The following TTC19 variants were observed in gnomAD, a reference collection of about 807,000 sequenced individuals.
The protein encoded by TTC19 is tetratricopeptide repeat protein 19, mitochondrial.
TTC19 carries 38 observed loss-of-function variants against 49.5 expected under a neutral mutation model. The ratio of observed to expected loss-of-function variants is 0.77; its 90% CI spans 0.59 to 1.01. The LOEUF (loss-of-function observed/expected upper bound fraction) is 1.01. Ranked by LOEUF, TTC19 falls within the 50% of genes least tolerant of loss-of-function variation. TTC19 has a pLI of 0.00. For synonymous variants in TTC19, 204 were observed against 185.2 expected (o/e 1.10, Z -0.83); for missense variants, 475 against 477.7 (o/e 0.99, Z 0.05).
chr17:16,000,276 G>T, intron 2 of TTC19, 31 bp downstream of exon 2: 2 of 1,592,358 alleles, frequency 1.3e-6, no homozygotes, highest in Admixed American at 1.7e-5. Context: ...GCGCCCGGCC[G>T]AGCGCGGTAG....
At chr17:16,026,484 A>G (rs1971565088) in intron 8 of TTC19, 56 bp from the exon 9 acceptor site, 5 of 1,552,650 alleles carry the variant, frequency 3.2e-6, no homozygotes, top group Admixed American at 1.7e-5. Context: ...ACTCCACATT[A>G]AAGTTCTGTG....
Position 16,028,930 on chromosome 17 carries a change from A to C in TTC19, c.*1408A>C, listed in dbSNP as rs1454269240. The C allele has an allele frequency of 4.7e-6, 2 of 426,788 alleles. No homozygotes were observed. Among genetic ancestry groups the C allele is most frequent in the Non-Finnish European group, 9.1e-6 (2 of 219,258 alleles). 26.4% of individuals were successfully genotyped at this position (426,788 alleles called of 1,614,324 possible). A position where few individuals can be genotyped will look rare whatever the true frequency, so the allele number is the denominator to read the frequency against. ...CTAAAACTAGAGTTTTGTATGTTGC[A>C]GATGTAAATTTCTTCCTATTTTCTG... is the stretch of plus-strand genomic sequence containing the variant. On this transcript the variant is annotated 3_prime_UTR_variant, in exon 10 of 10. Transcript: ENST00000261647.
chr17:16,007,903 A>G (rs1296780044), intron 7 of TTC19, among the ~76,000 whole-genome samples: 1 of 152,194 alleles, frequency 6.6e-6, no homozygotes, highest in Non-Finnish European at 1.5e-5. Flanking sequence ...TTTTGTTTTC[A>G]TCACTCCACT....
At chr17:16,004,348 C>T in intron 6 of TTC19, 86 bp downstream of exon 6, 2 of 1,283,446 alleles carry the variant, frequency 1.6e-6, no homozygotes, top group East Asian at 4.6e-5. Flanking sequence ...TACTGGTCAT[C>T]TGGGTCTCCC....
In TTC19 at chr17:16,026,556, G is replaced by A. The variant is rs766782529; in HGVS notation, c.848G>A (p.Ser283Asn). The A allele has an allele frequency of 7.4e-6, 12 of 1,614,032 alleles. No homozygotes were observed. In the African/African-American group the frequency reaches 1.2e-4, roughly 16 times the overall value. Reference protein sequence around the residue: ...ERHPQTIVLMSDLATTLDAQG... With the variant: ...ERHPQTIVLMNDLATTLDAQG... ...TACATACAGACCATTGTGCTGATGA[G>A]TGACCTGGCTACTACCCTGGATGCA... is the stretch of plus-strand genomic sequence containing the variant. Residue 283 changes from serine to asparagine, a missense_variant, in exon 9 of 10, where the codon AGT becomes AAT. Ser to Asn is a conservative substitution (Grantham distance 46, BLOSUM62 1). Coordinates refer to ENST00000261647, the MANE Select transcript of TTC19 (RefSeq NM_017775.4).
intron 8 of TTC19, among the ~76,000 whole-genome samples, chr17:16,026,153 A>T (rs1175637072): frequency 1.3e-5 from 2 of 151,948 alleles, no homozygotes; most frequent in African/African-American, 2.4e-5. Flanking sequence ...GAACAACATA[A>T]TACAGTGGGG....
At position 16,006,367 on chromosome 17, in the gene TTC19, G is replaced by A. The variant is rs538769139; in HGVS notation, c.582-107G>A. The A allele has an allele frequency of 2.8e-4, 228 of 821,580 alleles. 1 individual carries two copies. In the Middle Eastern group the frequency reaches 4.9e-3, roughly 18 times the overall value. The allele number at this position is 821,580 out of a possible 1,614,324, so 50.9% of individuals were successfully genotyped here. A position where few individuals can be genotyped will look rare whatever the true frequency, so the allele number is the denominator to read the frequency against. On this transcript the variant is annotated intron_variant, in intron 6 of 9. Coordinates refer to ENST00000261647, the MANE Select transcript of TTC19 (RefSeq NM_017775.4). ...GGAGGTTGCTCTGAGCCGAGGTCAC[G>A]CCATTGCACTCCAGCCTGGGCAACA...
chr17:16,002,563 AATG>A, intron 3 of TTC19: 2 of 564,200 alleles, frequency 3.5e-6, no homozygotes, highest in Non-Finnish European at 6.3e-6. Flanking sequence ...ATGTTTTTTT[AATG>A]ATGAGTGGAC....
At chr17:16,012,258 G>C (rs995352562) in intron 7 of TTC19, among the ~76,000 whole-genome samples, 3 of 152,148 alleles carry the variant, frequency 2.0e-5, no homozygotes, top group African/African-American at 7.2e-5. Flanking sequence ...GGAGGCCAAG[G>C]CGGGTGGATC....
chr17:16,017,886 C>T (rs764870509), intron 7 of TTC19, among the ~76,000 whole-genome samples: 1 of 152,156 alleles, frequency 6.6e-6, no homozygotes, highest in Admixed American at 6.5e-5. Flanking sequence ...ACTTTTCCCT[C>T]TCTGATCTGT....
intron 3 of TTC19, 63 bp downstream of exon 3, chr17:16,002,088 A>C (rs911512586): frequency 9.3e-7 from 1 of 1,076,192 alleles, no homozygotes; most frequent in African/African-American, 1.5e-5. Flanking sequence ...AAGGGTAGTT[A>C]GTTCTTCTGA....
chr17:16,020,386 A>G (rs769517251), intron 7 of TTC19, among the ~76,000 whole-genome samples: 1 of 152,140 alleles, frequency 6.6e-6, no homozygotes, highest in Non-Finnish European at 1.5e-5. Context: ...GATTCGTAAG[A>G]GTTCCTTACG....
At chr17:16,024,818 T>G in intron 7 of TTC19, 199 bp from the exon 8 acceptor site, 1 of 590,740 alleles carries the variant, frequency 1.7e-6, no homozygotes, top group Non-Finnish European at 3.0e-6. Context: ...ACATTTTAAT[T>G]GATGTGCGGA....
intron 8 of TTC19, among the ~76,000 whole-genome samples, chr17:16,026,124 G>A (rs1971547954): frequency 6.8e-6 from 1 of 147,200 alleles, no homozygotes; most frequent in African/African-American, 2.4e-5. Context: ...TTTTTGATGA[G>A]CCTCAGGGTT....
At chr17:16,003,979 T>G (rs1970819708) in intron 5 of TTC19, 92 bp downstream of exon 5, 1 of 1,409,442 alleles carries the variant, frequency 7.1e-7, no homozygotes, top group African/African-American at 1.4e-5. Context: ...ACCACATGCT[T>G]TGGTCAGGAA....
At chr17:16,000,737 C>G (rs1448566689) in intron 2 of TTC19, among the ~76,000 whole-genome samples, 1 of 152,122 alleles carries the variant, frequency 6.6e-6, no homozygotes, top group Non-Finnish European at 1.5e-5. Context: ...TCGATGCCAA[C>G]AACGTCCAAA....
At chr17:16,036,705 C>T (rs1169111276) in intron 2 of TTC19, among the ~76,000 whole-genome samples, 1 of 152,172 alleles carries the variant, frequency 6.6e-6, no homozygotes, top group Admixed American at 6.5e-5. Flanking sequence ...CTGTGGCTTC[C>T]TCGCCTCTCT....
chr17:16,014,555 A>T (rs1469661483), intron 7 of TTC19, among the ~76,000 whole-genome samples: 1 of 152,196 alleles, frequency 6.6e-6, no homozygotes, highest in African/African-American at 2.4e-5. Context: ...ATAATCATAC[A>T]TTCCGGAAAT....
chr17:16,005,290 G>A (rs1233105993), intron 6 of TTC19, among the ~76,000 whole-genome samples: 2 of 152,188 alleles, frequency 1.3e-5, no homozygotes, highest in Non-Finnish European at 2.9e-5. Context: ...CTCTTGCTCC[G>A]ACTGGGAGCG....
Sources: allele counts gnomAD v4.1 joint callset (sites outside exome capture counted in the v4.1 genomes callset), GRCh38; gene constraint gnomAD v4.1.1; transcripts MANE v1.5; gene names NCBI Gene and HGNC (gene_info 2026-07-23, HGNC 2026-07-21).